ARL14EPL: variants seen among roughly 807,000 people sequenced by gnomAD.
ARL14EPL encodes ARL14 effector protein-like.
Under a neutral mutation model 15.9 loss-of-function variants are expected in ARL14EPL, and 17 were observed. That is an observed-to-expected ratio of 1.07 (90% CI 0.73 to 1.60). The LOEUF (loss-of-function observed/expected upper bound fraction) is 1.60, where lower values mean the gene tolerates loss of function less well. ARL14EPL is among the 40% of genes most tolerant of loss of function. The pLI is 0.00. For missense variants in ARL14EPL, 214 were observed against 185.9 expected, an observed-to-expected ratio of 1.15 and a Z score of -0.88; for synonymous variants, 78 against 63.8, an observed-to-expected ratio of 1.22 and a Z score of -1.06.
chr5:116,042,974 C>T (rs1220727195), intron 1 of ARL14EPL, among the ~76,000 whole-genome samples: 5 of 151,906 alleles, frequency 3.3e-5, no homozygotes, highest in Admixed American at 2.0e-4. Context: ...TTTACAGCTG[C>T]GTAGTACTAC....
chr5:116,054,525 A>G (rs1749469481), intron 3 of ARL14EPL, among the ~76,000 whole-genome samples: 1 of 152,224 alleles, frequency 6.6e-6, no homozygotes, highest in African/African-American at 2.4e-5. Context: ...TTGTTAGTGC[A>G]TCGTAAGTAT....
At chr5:116,043,602 T>G (rs773016367) in intron 1 of ARL14EPL, among the ~76,000 whole-genome samples, 14 of 152,184 alleles carry the variant, frequency 9.2e-5, no homozygotes, top group Non-Finnish European at 1.8e-4. Flanking sequence ...CTATATTAAG[T>G]GTTGCTTCAG....
At chr5:116,055,279 A>T (rs1215171445) in intron 3 of ARL14EPL, among the ~76,000 whole-genome samples, 1 of 152,234 alleles carries the variant, frequency 6.6e-6, no homozygotes, top group Non-Finnish European at 1.5e-5. Flanking sequence ...TATGTGCCTT[A>T]TGACCTAACA....
intron 1 of ARL14EPL, among the ~76,000 whole-genome samples, chr5:116,047,251 T>A (rs561696097): frequency 7.9e-5 from 12 of 152,340 alleles, no homozygotes; most frequent in African/African-American, 2.4e-4. Context: ...GTATACCCTT[T>A]GAGTGTTGCG....
Position 116,051,574 on chromosome 5 carries a change from G to A in ARL14EPL, c.96+13G>A. On this transcript the variant is annotated intron_variant, in intron 2 of 3. Transcript: ENST00000686077. ...ACAGAAACAACTGGTATGGCACACA[G>A]ATTCTATGATTCCATGCTACTGGGG... 1 of 1,509,738 alleles carries A rather than the reference G, an allele frequency of 6.6e-7. No individual in the cohort carries two copies. The highest frequency in any genetic ancestry group is 8.9e-7 in the Non-Finnish European group (1 of 1,123,280). The allele number at this position is 1,509,738 out of a possible 1,614,324, so 93.5% of individuals were successfully genotyped here. A position where few individuals can be genotyped will look rare whatever the true frequency, so the allele number is the denominator to read the frequency against.
At chr5:116,052,714 G>C (rs1239912783) in intron 2 of ARL14EPL, among the ~76,000 whole-genome samples, 1 of 152,112 alleles carries the variant, frequency 6.6e-6, no homozygotes, top group African/African-American at 2.4e-5. Flanking sequence ...AAATTTAAAA[G>C]AAACATTATA....
At chr5:116,047,354 T>A (rs914880638) in intron 1 of ARL14EPL, among the ~76,000 whole-genome samples, 1 of 152,154 alleles carries the variant, frequency 6.6e-6, no homozygotes, top group African/African-American at 2.4e-5. Context: ...GAGATGGTAA[T>A]CACCAATAAA....
At chr5:116,044,267 G>A (rs1339018415) in intron 1 of ARL14EPL, among the ~76,000 whole-genome samples, 1 of 152,236 alleles carries the variant, frequency 6.6e-6, no homozygotes, top group East Asian at 1.9e-4. Context: ...CGAGTGAACA[G>A]AGCAAGTATT....
intron 1 of ARL14EPL, chr5:116,051,174 G>GCTT (rs1179024647): frequency 3.0e-5 from 8 of 268,778 alleles, no homozygotes; most frequent in Non-Finnish European, 4.8e-5. Context: ...AAAACTCAGA[G>GCTT]TCTTCTTAAT....
At chr5:116,056,253 C>T (rs1468688003) in intron 3 of ARL14EPL, among the ~76,000 whole-genome samples, 9 of 152,070 alleles carry the variant, frequency 5.9e-5, no homozygotes, top group African/African-American at 1.7e-4. Context: ...AAGTAGTTTA[C>T]TGTCCCACCA....
chr5:116,049,097 T>C (rs1326464538), intron 1 of ARL14EPL, among the ~76,000 whole-genome samples: 1 of 152,200 alleles, frequency 6.6e-6, no homozygotes, highest in African/African-American at 2.4e-5. Context: ...CATCATAAAG[T>C]CAAAAAGTTC....
In ARL14EPL at chr5:116,054,008, T is replaced by G; in HGVS notation, c.97-6T>G. The G allele has an allele frequency of 6.5e-7, 1 of 1,528,306 alleles. No homozygotes were observed. Among genetic ancestry groups the G allele is most frequent in the Non-Finnish European group, 8.7e-7 (1 of 1,143,960 alleles). 94.7% of individuals were successfully genotyped at this position (1,528,306 alleles called of 1,614,324 possible). On this transcript the variant is annotated splice_polypyrimidine_tract_variant and splice_region_variant and intron_variant, in intron 2 of 3. Coordinates refer to ENST00000686077, the MANE Select transcript of ARL14EPL (RefSeq NM_001195581.2). ...CTTACTATTAATACATTTATTTGTT[T>G]AATAGCAACAAATAGAGCGGCAGTT...
intron 1 of ARL14EPL, among the ~76,000 whole-genome samples, chr5:116,042,772 C>T (rs1321910038): frequency 1.3e-5 from 2 of 152,142 alleles, no homozygotes; most frequent in Non-Finnish European, 2.9e-5. Flanking sequence ...ATTTCATAAA[C>T]CAGACCCTAT....
intron 1 of ARL14EPL, among the ~76,000 whole-genome samples, chr5:116,044,491 ATATG>A (rs1749227573): frequency 8.5e-6 from 1 of 117,852 alleles, no homozygotes; most frequent in African/African-American, 2.6e-5. Flanking sequence ...GCGTGTGTAT[ATATG>A]TGTGTGTATA....
intron 1 of ARL14EPL, among the ~76,000 whole-genome samples, chr5:116,044,274 TA>T (rs1749222316): frequency 6.6e-6 from 1 of 152,116 alleles, no homozygotes; most frequent in South Asian, 2.1e-4. Flanking sequence ...ACAGAGCAAG[TA>T]TTAACCTGCC....
chr5:116,050,816 T>TCTCAC (rs1561579525), intron 1 of ARL14EPL, among the ~76,000 whole-genome samples: 1 of 81,500 alleles, frequency 1.2e-5, no homozygotes, highest in Non-Finnish European at 2.6e-5. Flanking sequence ...CTCTCTCTCT[T>TCTCAC]ACACACACAC....
intron 1 of ARL14EPL, among the ~76,000 whole-genome samples, chr5:116,048,739 T>A (rs1015557244): frequency 6.6e-6 from 1 of 152,104 alleles, no homozygotes; most frequent in Non-Finnish European, 1.5e-5. Flanking sequence ...AGTGTGGGTA[T>A]GACAGAAGAT....
intron 1 of ARL14EPL, among the ~76,000 whole-genome samples, chr5:116,040,891 G>C (rs1254185516): frequency 6.8e-6 from 1 of 146,480 alleles, no homozygotes; most frequent in Non-Finnish European, 1.5e-5. Context: ...TGAGGCAGGA[G>C]AATCGCATGA....
At chr5:116,048,429 A>G (rs1258296962) in intron 1 of ARL14EPL, among the ~76,000 whole-genome samples, 1 of 152,106 alleles carries the variant, frequency 6.6e-6, no homozygotes, top group African/African-American at 2.4e-5. Flanking sequence ...TTTTTGTGTC[A>G]CGGATCCCTT....
Sources: gnomAD v4.1 joint callset for allele counts (sites outside exome capture counted in the v4.1 genomes callset) on GRCh38, gnomAD v4.1.1 for gene constraint, MANE v1.5 for transcripts, NCBI Gene and HGNC (gene_info 2026-07-23, HGNC 2026-07-21) for gene names.